The following PCDH9 variants were observed in gnomAD, a reference collection of about 807,000 sequenced individuals.
The protein encoded by PCDH9 is protocadherin 9, also known as protocadherin-9.
A neutral mutation model predicts 70.6 loss-of-function variants in PCDH9; 24 were observed. That is an observed-to-expected ratio of 0.34 (90% CI 0.25 to 0.48). PCDH9 has a LOEUF of 0.48. Among genes scored for constraint, PCDH9 ranks in the 20% least tolerant of loss-of-function variants. PCDH9 has a pLI of 0.99. For missense variants in PCDH9, 1,281 were observed against 1,503.6 expected, an observed-to-expected ratio of 0.85 and a Z score of 2.45; for synonymous variants, 562 against 558.5, an observed-to-expected ratio of 1.01 and a Z score of -0.09.
intron 3 of PCDH9, among the ~76,000 whole-genome samples, chr13:66,646,473 C>T (rs1279556414): frequency 2.0e-5 from 3 of 152,262 alleles, no homozygotes; most frequent in African/African-American, 7.2e-5. Context: ...ATGCTTAGCA[C>T]ACGACAAGAA....
chr13:66,595,022 C>G (rs371309931), intron 4 of PCDH9, among the ~76,000 whole-genome samples: 2 of 151,050 alleles, frequency 1.3e-5, no homozygotes, highest in East Asian at 3.9e-4. Flanking sequence ...AATCCTAAGT[C>G]CTTTTTCTTT....
At chr13:66,342,505 C>G (rs1956145618) in intron 4 of PCDH9, among the ~76,000 whole-genome samples, 1 of 152,154 alleles carries the variant, frequency 6.6e-6, no homozygotes, top group Non-Finnish European at 1.5e-5. Flanking sequence ...TCTCCTTTTA[C>G]CAATAAAGAA....
intron 4 of PCDH9, among the ~76,000 whole-genome samples, chr13:66,344,915 A>T (rs569661141): frequency 2.4e-4 from 36 of 152,326 alleles, no homozygotes; most frequent in East Asian, 2.3e-3. Flanking sequence ...ATGCAAATTA[A>T]TTGCAGGGAA....
chr13:66,812,732 A>G (rs968260072), intron 3 of PCDH9, among the ~76,000 whole-genome samples: 3 of 152,238 alleles, frequency 2.0e-5, no homozygotes, highest in African/African-American at 7.2e-5. Context: ...AAGTGACCAC[A>G]GTGTAGTTGT....
At chr13:66,604,286 T>C (rs114557325) in intron 4 of PCDH9, among the ~76,000 whole-genome samples, 3,317 of 152,122 alleles carry the variant, frequency 0.022, 124 homozygotes, top group African/African-American at 0.075. Context: ...TGCACCTGGC[T>C]GAACATATGA....
intron 3 of PCDH9, among the ~76,000 whole-genome samples, chr13:66,804,648 C>G (rs922417750): frequency 2.0e-5 from 3 of 152,078 alleles, no homozygotes; most frequent in Admixed American, 2.0e-4. Context: ...TGGAATTAGT[C>G]CTGGAAGAGT....
chr13:66,841,586 A>T (rs2081116811), intron 3 of PCDH9, among the ~76,000 whole-genome samples: 1 of 152,208 alleles, frequency 6.6e-6, no homozygotes, highest in South Asian at 2.1e-4. Flanking sequence ...TAATAATTTT[A>T]AAATGATGCC....
At chr13:66,860,127 TC>T (rs2081457825) in intron 3 of PCDH9, among the ~76,000 whole-genome samples, 1 of 152,144 alleles carries the variant, frequency 6.6e-6, no homozygotes, top group African/African-American at 2.4e-5. Context: ...AGTTTATATT[TC>T]CAAACAATGC....
At position 66,921,718 on chromosome 13, in the gene PCDH9, G is replaced by A. The variant is rs188739214; in HGVS notation, c.3037-18113C>T. 2.6e-3 allele frequency among the ~76,000 whole-genome samples: 391 copies of A among 151,434 alleles called. 8 individuals carry two copies. The highest frequency in any genetic ancestry group is 0.021 in the Admixed American group (321 of 15,148). ...ATATCAGACCTCAAGGGAGGACCACGTATACAAAAAGTAGTTTAATAAAAG... is the reference window on the plus strand; with the variant it reads ...ATATCAGACCTCAAGGGAGGACCACATATACAAAAAGTAGTTTAATAAAAG... On this transcript the variant is annotated intron_variant, in intron 2 of 4. Transcript: ENST00000377865.
intron 2 of PCDH9, among the ~76,000 whole-genome samples, chr13:67,182,385 G>A (rs2088640631): frequency 6.6e-6 from 1 of 151,980 alleles, no homozygotes; most frequent in Non-Finnish European, 1.5e-5. Flanking sequence ...AGGCCATATG[G>A]GCTGTAACAC....
intron 2 of PCDH9, among the ~76,000 whole-genome samples, chr13:67,196,280 C>A (rs956713821): frequency 6.6e-6 from 1 of 151,722 alleles, no homozygotes; most frequent in East Asian, 1.9e-4. Flanking sequence ...ATGAATTAGC[C>A]GAAAACTAAA....
intron 2 of PCDH9, among the ~76,000 whole-genome samples, chr13:66,938,915 A>G (rs2139678713): frequency 6.6e-6 from 1 of 152,280 alleles, no homozygotes; most frequent in African/African-American, 2.4e-5. Flanking sequence ...TAAAAATTGC[A>G]TGGTTTATAT....
At chr13:67,070,368 A>G (rs1303592814) in intron 2 of PCDH9, among the ~76,000 whole-genome samples, 1 of 152,162 alleles carries the variant, frequency 6.6e-6, no homozygotes, top group Non-Finnish European at 1.5e-5. Context: ...AAATCTGTCA[A>G]CAGCTATTAA....
intron 3 of PCDH9, among the ~76,000 whole-genome samples, chr13:66,790,744 T>C (rs2080151355): frequency 6.6e-6 from 1 of 152,032 alleles, no homozygotes; most frequent in Admixed American, 6.6e-5. Context: ...CCCAATCTCA[T>C]ATATAATTCC....
chr13:66,995,470 GA>G (rs1004813862), intron 2 of PCDH9, among the ~76,000 whole-genome samples: 12 of 151,692 alleles, frequency 7.9e-5, no homozygotes, highest in African/African-American at 2.7e-4. Context: ...ACCACTAAGG[GA>G]AAAAAACAAC....
chr13:66,612,120 G>C (rs551321200), intron 4 of PCDH9, among the ~76,000 whole-genome samples: 1 of 152,228 alleles, frequency 6.6e-6, no homozygotes, highest in Non-Finnish European at 1.5e-5. Context: ...TGTTAACAAA[G>C]GACCTTAAGG....
chr13:66,622,813 G>A (rs531564443), intron 4 of PCDH9, among the ~76,000 whole-genome samples: 2 of 152,150 alleles, frequency 1.3e-5, no homozygotes, highest in African/African-American at 4.8e-5. Context: ...TCCCACTGTG[G>A]AAGCGTTGTG....
chr13:66,446,705 A>G (rs1245465373), intron 4 of PCDH9, among the ~76,000 whole-genome samples: 1 of 152,010 alleles, frequency 6.6e-6, no homozygotes, highest in Non-Finnish European at 1.5e-5. Context: ...AAGAATGTTT[A>G]TATTGTCTAT....
chr13:66,792,302 C>T (rs922764691), intron 3 of PCDH9, among the ~76,000 whole-genome samples: 1 of 152,086 alleles, frequency 6.6e-6, no homozygotes, highest in Non-Finnish European at 1.5e-5. Flanking sequence ...TTTTATTAAA[C>T]ATAGAACATA....
Sources: allele counts gnomAD v4.1 joint callset (sites outside exome capture counted in the v4.1 genomes callset), GRCh38; gene constraint gnomAD v4.1.1; transcripts MANE v1.5; gene names NCBI Gene and HGNC (gene_info 2026-07-23, HGNC 2026-07-21).